The following LARGE1 variants were observed in gnomAD, a reference collection of about 807,000 sequenced individuals.
LARGE1 encodes the protein LARGE xylosyl- and glucuronyltransferase 1.
LARGE1 carries 43 observed loss-of-function variants against 87.6 expected under a neutral mutation model. That is an observed-to-expected ratio of 0.49 (90% CI 0.38 to 0.63). The LOEUF (loss-of-function observed/expected upper bound fraction) is 0.63. LARGE1 is among the 30% of genes least tolerant of loss of function. The pLI, the probability that LARGE1 is intolerant of heterozygous loss-of-function variation, is 0.00. For synonymous variants in LARGE1, 434 were observed against 394.6 expected, an observed-to-expected ratio of 1.10 and a Z score of -1.18; for missense variants, 802 against 1,000.2, an observed-to-expected ratio of 0.80 and a Z score of 2.67.
intron 1 of LARGE1, among the ~76,000 whole-genome samples, chr22:33,914,895 A>G (rs1277252885): frequency 2.0e-5 from 3 of 152,130 alleles, no homozygotes. Flanking sequence ...TCACACAGCA[A>G]GTTAGCACAG....
chr22:33,308,138 C>G (rs200931601), intron 11 of LARGE1, among the ~76,000 whole-genome samples: 1 of 152,250 alleles, frequency 6.6e-6, no homozygotes, highest in South Asian at 2.1e-4. Flanking sequence ...GGAAGCCTCA[C>G]GCAGTCTCTG....
intron 6 of LARGE1, among the ~76,000 whole-genome samples, chr22:33,480,029 A>C (rs995472418): frequency 2.0e-5 from 3 of 152,130 alleles, no homozygotes; most frequent in Admixed American, 6.5e-5. Context: ...ACAGGCGTGA[A>C]CCACTGTGCC....
rs1244407503 is a variant in LARGE1 at position 33,834,474 on chromosome 22, C to T, written c.-82-72916G>A. Among the ~76,000 whole-genome samples, 3 of 152,278 alleles carry T rather than the reference C, an allele frequency of 2.0e-5. No homozygotes were observed. The East Asian group carries it at 5.8e-4, about 29-fold the overall frequency. On this transcript the variant is annotated intron_variant, in intron 1 of 14. Transcript: ENST00000397394. Reference sequence around the variant, plus strand: ...CTGGCTCAAAAGCTCCCCCAGTGAGCACCTTGTGTCCCCCACCCCTGCCAG... The same window carrying T: ...CTGGCTCAAAAGCTCCCCCAGTGAGTACCTTGTGTCCCCCACCCCTGCCAG...
At chr22:33,919,102 GAAAA>G (rs5845124) in intron 1 of LARGE1, among the ~76,000 whole-genome samples, 7 of 127,366 alleles carry the variant, frequency 5.5e-5, no homozygotes, top group Non-Finnish European at 8.2e-5. Flanking sequence ...GCACAGAGAC[GAAAA>G]AAAAAAAAAA....
rs1405092724 is a variant in LARGE1, at chr22:33,882,991, A to G, written c.-83+37004T>C. ...ACACACAGCCAGATGAATTATGTTG[A>G]AAATGGGAAAACTCATCACTTTGGG... On this transcript the variant is annotated intron_variant, in intron 1 of 14. Transcript: ENST00000397394. 5.3e-5 allele frequency among the ~76,000 whole-genome samples: 8 copies of G among 152,218 alleles called. No individual in the cohort carries two copies. In the South Asian group the frequency reaches 1.2e-3, roughly 24 times the overall value.
intron 11 of LARGE1, among the ~76,000 whole-genome samples, chr22:33,186,249 GA>G (rs1923468677): frequency 3.3e-5 from 5 of 151,984 alleles, no homozygotes; most frequent in African/African-American, 1.2e-4. Flanking sequence ...TACTTTTCAG[GA>G]ATATAGATGC....
At chr22:33,458,799 G>A (rs930657976) in intron 6 of LARGE1, among the ~76,000 whole-genome samples, 2 of 152,106 alleles carry the variant, frequency 1.3e-5, no homozygotes, top group South Asian at 4.1e-4. Context: ...CATAAGTCTG[G>A]TCTTGACTTG....
intron 6 of LARGE1, among the ~76,000 whole-genome samples, chr22:33,556,596 C>T (rs139554536): frequency 2.0e-5 from 1 of 50,174 alleles, no homozygotes; most frequent in African/African-American, 5.4e-5. Flanking sequence ...GGAAGGCAGG[C>T]AGGTAGGGAG....
At chr22:33,128,680 C>CAAAAAAAAAAAAAAAAAAAAAA in the LARGE1 span, among the ~76,000 whole-genome samples, 1 of 110,298 alleles carries the variant, frequency 9.1e-6, no homozygotes, top group Non-Finnish European at 1.8e-5. Context: ...GTCTCAAAAA[C>CAAAAAAAAAAAAAAAAAAAAAA]AAAAAAAAAA....
chr22:33,521,608 T>A (rs2071599215), intron 6 of LARGE1, among the ~76,000 whole-genome samples: 1 of 152,166 alleles, frequency 6.6e-6, no homozygotes, highest in African/African-American at 2.4e-5. Context: ...CATAGATGCC[T>A]CCTCTTAATG....
intron 1 of LARGE1, among the ~76,000 whole-genome samples, chr22:33,852,829 G>A (rs1279415931): frequency 3.2e-4 from 42 of 130,106 alleles, no homozygotes; most frequent in East Asian, 1.6e-3. Flanking sequence ...GCACTCCAGC[G>A]TGGGCAAGAC....
intron 6 of LARGE1, among the ~76,000 whole-genome samples, chr22:33,477,827 A>G (rs2069144480): frequency 6.6e-6 from 1 of 152,198 alleles, no homozygotes; most frequent in Non-Finnish European, 1.5e-5. Flanking sequence ...TGCAGTAAAA[A>G]TAGCCCAAGT....
At chr22:33,762,707 G>C (rs1289433303) in intron 1 of LARGE1, among the ~76,000 whole-genome samples, 1 of 152,198 alleles carries the variant, frequency 6.6e-6, no homozygotes, top group Non-Finnish European at 1.5e-5. Context: ...CAACGGAAGA[G>C]GGAGCAGGTT....
At chr22:33,669,711 G>C (rs796198551) in intron 2 of LARGE1, among the ~76,000 whole-genome samples, 6 of 152,296 alleles carry the variant, frequency 3.9e-5, no homozygotes, top group African/African-American at 1.4e-4. Flanking sequence ...ATCACCTCTA[G>C]ATTAAATTAC....
At chr22:33,507,297 G>A (rs1397918585) in intron 6 of LARGE1, among the ~76,000 whole-genome samples, 1 of 152,180 alleles carries the variant, frequency 6.6e-6, no homozygotes, top group Non-Finnish European at 1.5e-5. Flanking sequence ...GGTGCTGGGA[G>A]TTAATCCTAG....
At chr22:33,365,999 C>T (rs1474410266) in intron 9 of LARGE1, among the ~76,000 whole-genome samples, 2 of 152,166 alleles carry the variant, frequency 1.3e-5, no homozygotes, top group East Asian at 1.9e-4. Context: ...TTATGGTATG[C>T]GTTTTTGATG....
intron 3 of LARGE1, among the ~76,000 whole-genome samples, chr22:33,638,340 T>C (rs769432736): frequency 8.5e-5 from 13 of 152,348 alleles, no homozygotes; most frequent in African/African-American, 4.8e-5. Context: ...AATACATCCA[T>C]AGTCTGGAGA....
At chr22:33,784,843 CACAT>C (rs1383023964) in intron 1 of LARGE1, among the ~76,000 whole-genome samples, 2 of 151,156 alleles carry the variant, frequency 1.3e-5, no homozygotes, top group Non-Finnish European at 1.5e-5. Context: ...ATAATATACA[CACAT>C]AGACAGTTTA....
At chr22:33,084,651 T>C in the LARGE1 span, among the ~76,000 whole-genome samples, 5 of 151,950 alleles carry the variant, frequency 3.3e-5, no homozygotes, top group Admixed American at 6.6e-5. Flanking sequence ...TGAGACCTGG[T>C]CTCAAAAAAA....
Sources: allele counts gnomAD v4.1 joint callset (sites outside exome capture counted in the v4.1 genomes callset), GRCh38; gene constraint gnomAD v4.1.1; transcripts MANE v1.5; gene names NCBI Gene and HGNC (gene_info 2026-07-23, HGNC 2026-07-21).